Variants in MOB4 observed in about 807,000 individuals in gnomAD.
MOB4 encodes MOB-like protein phocein.
Under a neutral mutation model 32.2 loss-of-function variants are expected in MOB4, and 4 were observed. The ratio of observed to expected loss-of-function variants is 0.12; its 90% CI spans 0.06 to 0.28. The LOEUF (loss-of-function observed/expected upper bound fraction) is 0.28, where lower values mean the gene tolerates loss of function less well. Ranked by LOEUF, MOB4 falls within the 10% of genes least tolerant of loss-of-function variation. MOB4 has a pLI of 1.00. For missense variants in MOB4, 158 were observed against 271.2 expected (o/e 0.58, Z 2.93); for synonymous variants, 88 against 88.1 (o/e 1.00, Z 0.01).
At chr2:197,529,686 G>A (rs984453397) in intron 2 of MOB4, among the ~76,000 whole-genome samples, 1 of 151,534 alleles carries the variant, frequency 6.6e-6, no homozygotes. Context: ...ATGGAGTTTT[G>A]CTCTGTCGCC....
At position 197,522,653 on chromosome 2, in the gene MOB4, C is replaced by A. The variant is rs990248332; in HGVS notation, c.61-971C>A. Reference sequence around the variant, plus strand: ...GTCTGATGATTACTTTTTAATGGTGCCCATATTTTGATTTAGAAATTCAAA... The same window carrying A: ...GTCTGATGATTACTTTTTAATGGTGACCATATTTTGATTTAGAAATTCAAA... On this transcript the variant is annotated intron_variant, in intron 1 of 7. Coordinates refer to ENST00000323303, the MANE Select transcript of MOB4 (RefSeq NM_015387.5). Among the ~76,000 whole-genome samples, 3 of 151,674 alleles carry A rather than the reference C, an allele frequency of 2.0e-5. No individual in the cohort carries two copies. In the East Asian group the frequency reaches 5.8e-4, roughly 29 times the overall value.
At chr2:197,527,001 G>A (rs565650297) in intron 2 of MOB4, among the ~76,000 whole-genome samples, 6 of 152,170 alleles carry the variant, frequency 3.9e-5, no homozygotes, top group African/African-American at 1.4e-4. Flanking sequence ...TGTTGCCCAG[G>A]TTGGTTTTGA....
chr2:197,526,529 GC>G (rs2106111323), intron 2 of MOB4, among the ~76,000 whole-genome samples: 1 of 152,240 alleles, frequency 6.6e-6, no homozygotes, highest in Non-Finnish European at 1.5e-5. Flanking sequence ...TCTTGGCCAG[GC>G]CGGTCTTGAA....
At chr2:197,549,664 C>T (rs2087059405) in intron 6 of MOB4, among the ~76,000 whole-genome samples, 1 of 151,920 alleles carries the variant, frequency 6.6e-6, no homozygotes, top group Non-Finnish European at 1.5e-5. Context: ...TTTCTCCTGC[C>T]TCAGCCTCAT....
chr2:197,537,688 T>A (rs2086825707), intron 3 of MOB4, among the ~76,000 whole-genome samples: 2 of 152,212 alleles, frequency 1.3e-5, no homozygotes, highest in African/African-American at 4.8e-5. Context: ...GTAGATATTT[T>A]CCCATTTTTA....
At chr2:197,549,396 C>T (rs1272175758) in intron 6 of MOB4, among the ~76,000 whole-genome samples, 3 of 151,902 alleles carry the variant, frequency 2.0e-5, no homozygotes, top group African/African-American at 4.8e-5. Context: ...TTGGAGATTT[C>T]CCCCACCAAA....
upstream of MOB4, chr2:197,515,933 C>T (rs903187749): frequency 4.4e-5 from 32 of 721,746 alleles, no homozygotes; most frequent in Admixed American, 7.0e-4. Flanking sequence ...CCGCCTAGCC[C>T]GCTTCTACCC....
chr2:197,515,797 G>C, upstream of MOB4: 1 of 493,402 alleles, frequency 2.0e-6, no homozygotes, highest in Non-Finnish European at 3.6e-6. Context: ...CGGTCGCTGC[G>C]ATCACGACCT....
intron 1 of MOB4, among the ~76,000 whole-genome samples, chr2:197,521,587 AC>A (rs2106104787): frequency 6.6e-6 from 1 of 152,108 alleles, no homozygotes; most frequent in Admixed American, 6.5e-5. Context: ...GGTTTATTTC[AC>A]CCCTACAGTT....
chr2:197,526,615 A>T (rs924227119), intron 2 of MOB4, among the ~76,000 whole-genome samples: 1 of 152,110 alleles, frequency 6.6e-6, no homozygotes, highest in Non-Finnish European at 1.5e-5. Context: ...CACGCCCAGC[A>T]TTAATTTTTC....
At chr2:197,519,757 G>C (rs1174470016) in intron 1 of MOB4, among the ~76,000 whole-genome samples, 1 of 152,054 alleles carries the variant, frequency 6.6e-6, no homozygotes. Flanking sequence ...AACTGTACAT[G>C]TGTTTTCTAA....
intron 6 of MOB4, among the ~76,000 whole-genome samples, chr2:197,549,020 G>A (rs2087048370): frequency 6.6e-6 from 1 of 151,992 alleles, no homozygotes; most frequent in Admixed American, 6.6e-5. Context: ...CCTGAGATTG[G>A]GAGTTCGAGA....
intron 2 of MOB4, among the ~76,000 whole-genome samples, chr2:197,523,987 C>T (rs570154651): frequency 1.6e-4 from 25 of 152,300 alleles, no homozygotes; most frequent in East Asian, 5.8e-4. Context: ...TTAAGCTGGG[C>T]ACTGTGGCTG....
intron 1 of MOB4, among the ~76,000 whole-genome samples, chr2:197,518,542 G>A (rs1294669738): frequency 6.6e-6 from 1 of 151,202 alleles, no homozygotes; most frequent in African/African-American, 2.4e-5. Flanking sequence ...GATTACAGGC[G>A]TGAGCCATTG....
chr2:197,547,138 G>A (rs1009319556), intron 5 of MOB4, among the ~76,000 whole-genome samples: 1 of 149,392 alleles, frequency 6.7e-6, no homozygotes, highest in Non-Finnish European at 1.5e-5. Context: ...TTCATTAAGT[G>A]GATCATTGTA....
At chr2:197,524,550 AAAAC>A (rs1221815123) in intron 2 of MOB4, among the ~76,000 whole-genome samples, 10 of 151,930 alleles carry the variant, frequency 6.6e-5, no homozygotes, top group Non-Finnish European at 1.2e-4. Context: ...AAAAAAAACA[AAAAC>A]AAAAACAAAA....
chr2:197,550,797 C>G lies in MOB4; in HGVS notation c.*151C>G. 1 of 932,400 alleles carries G rather than the reference C, an allele frequency of 1.1e-6. No homozygotes were observed. Among genetic ancestry groups the G allele is most frequent in the Non-Finnish European group, 1.5e-6 (1 of 687,722 alleles). The allele number at this position is 932,400 out of a possible 1,614,324, so 57.8% of individuals were successfully genotyped here. A position where few individuals can be genotyped will look rare whatever the true frequency, so the allele number is the denominator to read the frequency against. On this transcript the variant is annotated 3_prime_UTR_variant, in exon 8 of 8. Coordinates refer to ENST00000323303, the MANE Select transcript of MOB4 (RefSeq NM_015387.5). ...GGTTTGCCTTTTAAAATGGGAAATA[C>G]TTTTTAAGTTATTCATAAGCTGTAT...
intron 4 of MOB4, 29 bp from the exon 5 acceptor site, chr2:197,540,322 A>G (rs1304182123): frequency 9.3e-6 from 14 of 1,500,742 alleles, no homozygotes; most frequent in South Asian, 2.8e-5. Flanking sequence ...ATTATTTTAC[A>G]TATTAAGAAA....
chr2:197,516,491 C>A, intron 1 of MOB4: 2 of 904,352 alleles, frequency 2.2e-6, no homozygotes, highest in African/African-American at 1.7e-5. Context: ...GGGGCGCGAC[C>A]AGCCTGGTGG....
Sources: allele counts gnomAD v4.1 joint callset (sites outside exome capture counted in the v4.1 genomes callset), GRCh38; gene constraint gnomAD v4.1.1; transcripts MANE v1.5; gene names NCBI Gene and HGNC (gene_info 2026-07-23, HGNC 2026-07-21).